PSD3: variants seen among roughly 807,000 people sequenced by gnomAD.
PSD3 encodes pleckstrin and Sec7 domain containing 3.
A neutral mutation model predicts 105.5 loss-of-function variants in PSD3; 49 were observed. The observed-to-expected ratio is 0.46, with a 90% CI of 0.37 to 0.59. The LOEUF is 0.59. Among genes scored for constraint, PSD3 ranks in the 20% least tolerant of loss-of-function variants. PSD3 has a pLI of 0.00. For missense variants in PSD3, 1,561 were observed against 1,263.8 expected, an observed-to-expected ratio of 1.24 and a Z score of -3.57; for synonymous variants, 557 against 457.8, an observed-to-expected ratio of 1.22 and a Z score of -2.77.
rs78691833 is a variant in PSD3 at position 18,696,648 on chromosome 8, C to A, written c.2173-40963G>T. Among the ~76,000 whole-genome samples the A allele has an allele frequency of 9.2e-3, 1,401 of 152,266 alleles. 14 individuals are homozygous for A. Among genetic ancestry groups the A allele is most frequent in the Non-Finnish European group, 0.013 (877 of 68,026 alleles). On this transcript the variant is annotated intron_variant, in intron 9 of 15. Transcript: ENST00000327040. ...AGTACATTATAATAAGTATCACAGT[C>A]ACTCATCAAGATATGATGAGCTTCC...
chr8:18,853,830 C>T (rs1012645054), intron 4 of PSD3, among the ~76,000 whole-genome samples: 4 of 152,096 alleles, frequency 2.6e-5, no homozygotes, highest in South Asian at 4.2e-4. Context: ...TATGTCTAAG[C>T]GCCTCAAAGA....
intron 11 of PSD3, among the ~76,000 whole-genome samples, chr8:18,617,219 T>C (rs552813752): frequency 6.6e-6 from 1 of 152,284 alleles, no homozygotes; most frequent in South Asian, 2.1e-4. Flanking sequence ...AACTGAGATA[T>C]TATATTTGTT....
intron 9 of PSD3, among the ~76,000 whole-genome samples, chr8:18,753,412 G>A (rs1805765371): frequency 1.3e-5 from 2 of 151,832 alleles, no homozygotes; most frequent in African/African-American, 4.8e-5. Context: ...TGACAAGATG[G>A]TATGTTGTGA....
At chr8:19,042,746 A>G (rs1438797522) in intron 1 of PSD3, among the ~76,000 whole-genome samples, 2 of 152,266 alleles carry the variant, frequency 1.3e-5, no homozygotes, top group Admixed American at 6.5e-5. Flanking sequence ...AGACTTGGGC[A>G]TCTTAATTTC....
chr8:18,889,842 T>A (rs1818673546), intron 2 of PSD3, among the ~76,000 whole-genome samples: 1 of 152,230 alleles, frequency 6.6e-6, no homozygotes, highest in East Asian at 1.9e-4. Context: ...ACTCACTAAT[T>A]ATCAGGAACA....
intron 1 of PSD3, among the ~76,000 whole-genome samples, chr8:18,987,292 AT>A (rs1563488390): frequency 2.7e-5 from 4 of 148,872 alleles, no homozygotes; most frequent in African/African-American, 9.8e-5. Flanking sequence ...TTTTTTTTTT[AT>A]ATATATTTTT....
intron 2 of PSD3, among the ~76,000 whole-genome samples, chr8:18,898,075 G>A (rs1563397212): frequency 6.6e-6 from 1 of 152,094 alleles, no homozygotes; most frequent in Non-Finnish European, 1.5e-5. Context: ...CTCATATACG[G>A]CTTTGACTGT....
rs535206189 is a variant in PSD3, at chr8:18,987,689, A to G, written c.21+25874T>C. ...TTAAAAGTCAGCCAGGTGTGGTGGC[A>G]CGTGCTATAGTCCTAGCTACATAGG... On this transcript the variant is annotated intron_variant, in intron 1 of 15. Coordinates refer to ENST00000327040, the MANE Select transcript of PSD3 (RefSeq NM_015310.4). Among the ~76,000 whole-genome samples the G allele has an allele frequency of 5.3e-5, 8 of 152,268 alleles. No homozygotes were observed. The South Asian group carries it at 1.7e-3, about 32-fold the overall frequency.
intron 3 of PSD3, among the ~76,000 whole-genome samples, chr8:18,870,445 A>T (rs1006395816): frequency 6.6e-6 from 1 of 152,166 alleles, no homozygotes; most frequent in African/African-American, 2.4e-5. Context: ...TTTCAATCAT[A>T]AAGGCCATAA....
At chr8:18,761,260 C>T (rs188907419) in intron 9 of PSD3, among the ~76,000 whole-genome samples, 5 of 152,240 alleles carry the variant, frequency 3.3e-5, no homozygotes, top group Non-Finnish European at 1.5e-5. Flanking sequence ...GGCTATGTAT[C>T]TTTGGAAAGC....
At chr8:18,778,527 T>C (rs1377257153) in intron 8 of PSD3, among the ~76,000 whole-genome samples, 1 of 152,132 alleles carries the variant, frequency 6.6e-6, no homozygotes, top group South Asian at 2.1e-4. Context: ...CATCCTTATC[T>C]TGTTTTAGTT....
At chr8:18,789,318 C>A (rs904861876) in intron 8 of PSD3, among the ~76,000 whole-genome samples, 4 of 152,106 alleles carry the variant, frequency 2.6e-5, no homozygotes, top group East Asian at 3.9e-4. Context: ...ACTATAAACA[C>A]AAACAGATAT....
intron 1 of PSD3, among the ~76,000 whole-genome samples, chr8:18,961,094 A>G (rs1823884341): frequency 6.6e-6 from 1 of 152,096 alleles, no homozygotes; most frequent in Non-Finnish European, 1.5e-5. Flanking sequence ...CCTGTCTCCA[A>G]AAAAACAAAC....
At chr8:19,004,182 G>C (rs1826545755) in intron 1 of PSD3, among the ~76,000 whole-genome samples, 1 of 152,052 alleles carries the variant, frequency 6.6e-6, no homozygotes, top group South Asian at 2.1e-4. Flanking sequence ...TCCAGGAGGA[G>C]AAGACTATTT....
At chr8:18,889,189 A>G (rs1045063205) in intron 2 of PSD3, among the ~76,000 whole-genome samples, 2 of 152,210 alleles carry the variant, frequency 1.3e-5, no homozygotes, top group African/African-American at 2.4e-5. Flanking sequence ...TTACAGCACC[A>G]TCTCTTAAAA....
chr8:18,746,503 G>T (rs965459803), intron 9 of PSD3, among the ~76,000 whole-genome samples: 2 of 152,098 alleles, frequency 1.3e-5, no homozygotes, highest in African/African-American at 4.8e-5. Context: ...CGTGGCCAAG[G>T]GAGGTCCAGG....
intron 8 of PSD3, among the ~76,000 whole-genome samples, chr8:18,788,869 A>G (rs1563269106): frequency 6.6e-6 from 1 of 152,196 alleles, no homozygotes; most frequent in Non-Finnish European, 1.5e-5. Flanking sequence ...GCTATCAAAT[A>G]AGTTTGATTA....
rs1363130639 is a variant in PSD3, at chr8:18,867,829, C to G, written c.1479G>C (p.Leu493Phe). The G allele has an allele frequency of 5.0e-6, 8 of 1,614,156 alleles. No individual in the cohort carries two copies. The highest frequency in any genetic ancestry group is 6.8e-6 in the Non-Finnish European group (8 of 1,180,018). Residue 493 changes from leucine to phenylalanine, a missense_variant, in exon 4 of 16, where the codon TTG becomes TTC. By Grantham distance (22) the Leu-to-Phe change is conservative. Transcript: ENST00000327040. Reference sequence around the variant, plus strand: ...GATGTCCTCCCCCTGATGTCCTCTCCAAGAACTGACCACCTTCTTTAATGC... The same window carrying G: ...GATGTCCTCCCCCTGATGTCCTCTCGAAGAACTGACCACCTTCTTTAATGC... The part of the protein sequence containing the change: ...QQRIKEGGQF[L>F]ERTSGGGHQD...
intron 4 of PSD3, among the ~76,000 whole-genome samples, chr8:18,835,143 T>A (rs996277756): frequency 1.3e-5 from 2 of 152,200 alleles, no homozygotes; most frequent in Non-Finnish European, 2.9e-5. Flanking sequence ...TATATTGGAC[T>A]AGGTCTAACA....
Sources: allele counts gnomAD v4.1 joint callset (sites outside exome capture counted in the v4.1 genomes callset), GRCh38; gene constraint gnomAD v4.1.1; transcripts MANE v1.5; gene names NCBI Gene and HGNC (gene_info 2026-07-23, HGNC 2026-07-21).